Variants in ITFG1 observed in about 807,000 individuals in gnomAD.
ITFG1 encodes T-cell immunomodulatory protein.
Under a neutral mutation model 81.8 loss-of-function variants are expected in ITFG1, and 34 were observed. That is an observed-to-expected ratio of 0.42 (90% CI 0.32 to 0.55). ITFG1 has a LOEUF of 0.55. ITFG1 is among the 20% of genes least tolerant of loss of function. ITFG1 has a pLI of 0.17. For synonymous variants in ITFG1, 285 were observed against 270.6 expected, an observed-to-expected ratio of 1.05 and a Z score of -0.52; for missense variants, 672 against 755.4, an observed-to-expected ratio of 0.89 and a Z score of 1.29.
At chr16:47,364,859 G>C (rs531748906) in intron 8 of ITFG1, among the ~76,000 whole-genome samples, 1 of 152,292 alleles carries the variant, frequency 6.6e-6, no homozygotes, top group African/African-American at 2.4e-5. Context: ...CCAATGAATA[G>C]ACTCAAACTA....
intron 12 of ITFG1, among the ~76,000 whole-genome samples, chr16:47,254,527 C>T (rs2151540037): frequency 6.6e-6 from 1 of 152,262 alleles, no homozygotes; most frequent in African/African-American, 2.4e-5. Context: ...GCATGGAAAG[C>T]AGTGGAGTCG....
rs140413019 is a variant in ITFG1 at position 47,291,155 on chromosome 16, A to G, written c.1070+20085T>C. Among the ~76,000 whole-genome samples the G allele has an allele frequency of 5.7e-3, 868 of 152,040 alleles. 7 individuals are homozygous for G. Among genetic ancestry groups the G allele is most frequent in the African/African-American group, 0.02 (827 of 41,498 alleles). On this transcript the variant is annotated intron_variant, in intron 10 of 17. Coordinates refer to ENST00000320640, the MANE Select transcript of ITFG1 (RefSeq NM_030790.5). ...GAACTACAGCTTTGGTGGTTATAGT[A>G]TTCTTTGGTTTTTACAGTTACAGTA...
intron 13 of ITFG1, among the ~76,000 whole-genome samples, chr16:47,234,294 A>C (rs1320394976): frequency 6.6e-6 from 1 of 152,216 alleles, no homozygotes; most frequent in Non-Finnish European, 1.5e-5. Context: ...TAATGTAAGC[A>C]GAGAGATAGA....
chr16:47,177,599 TATAAG>T lies in ITFG1; in HGVS notation c.1454-14940_1454-14936del, dbSNP rs368960509. Among the ~76,000 whole-genome samples the T allele has an allele frequency of 1.5e-3, 228 of 152,364 alleles. 2 individuals carry two copies. The highest frequency in any genetic ancestry group is 5.3e-3 in the African/African-American group (219 of 41,578). On this transcript the variant is annotated intron_variant, in intron 14 of 17. Transcript: ENST00000320640. ...ATGCCGCATATACATATTGTAATTC[TATAAG>T]ATATCAATTAAAAAATATAAAGTGA...
intron 13 of ITFG1, among the ~76,000 whole-genome samples, chr16:47,228,671 G>A (rs1338517131): frequency 2.0e-5 from 3 of 152,138 alleles, no homozygotes; most frequent in Non-Finnish European, 2.9e-5. Flanking sequence ...CATCTGACCC[G>A]AAGATAAATG....
chr16:47,368,164 G>GCC (rs1968201413), intron 7 of ITFG1, among the ~76,000 whole-genome samples: 1 of 151,492 alleles, frequency 6.6e-6, no homozygotes, highest in Non-Finnish European at 1.5e-5. Flanking sequence ...AACCCAGGAG[G>GCC]CGGAGCTTGC....
intron 6 of ITFG1, among the ~76,000 whole-genome samples, chr16:47,396,943 C>T (rs1216668020): frequency 6.6e-6 from 1 of 152,036 alleles, no homozygotes; most frequent in Non-Finnish European, 1.5e-5. Context: ...ACACTGAAAT[C>T]ACCTAAAATG....
chr16:47,233,076 A>G (rs761897628), intron 13 of ITFG1, among the ~76,000 whole-genome samples: 30 of 152,234 alleles, frequency 2.0e-4, no homozygotes, highest in Non-Finnish European at 4.1e-4. Context: ...GGACAAAAAC[A>G]AACTTCAAAT....
At chr16:47,348,864 A>G (rs920585982) in intron 8 of ITFG1, among the ~76,000 whole-genome samples, 4 of 152,358 alleles carry the variant, frequency 2.6e-5, no homozygotes, top group Middle Eastern at 3.4e-3. Flanking sequence ...CGGATCTCTC[A>G]GCAGAAACTC....
At chr16:47,439,915 A>T (rs1203432433) in intron 5 of ITFG1, among the ~76,000 whole-genome samples, 4 of 152,364 alleles carry the variant, frequency 2.6e-5, no homozygotes, top group African/African-American at 4.8e-5. Context: ...TTCAAGACCC[A>T]TCAGTTTGCT....
intron 5 of ITFG1, among the ~76,000 whole-genome samples, chr16:47,439,030 T>A (rs1036913064): frequency 6.6e-6 from 1 of 151,854 alleles, no homozygotes; most frequent in Admixed American, 6.6e-5. Context: ...GAGAACTACG[T>A]GACGAATGCA....
chr16:47,223,592 T>G (rs528793929), intron 13 of ITFG1, among the ~76,000 whole-genome samples: 2 of 152,044 alleles, frequency 1.3e-5, no homozygotes, highest in African/African-American at 2.4e-5. Context: ...TGTGGAGAAA[T>G]AGGAACACTT....
chr16:47,382,922 A>G (rs998848041), intron 6 of ITFG1, among the ~76,000 whole-genome samples: 1 of 152,216 alleles, frequency 6.6e-6, no homozygotes, highest in African/African-American at 2.4e-5. Flanking sequence ...TTGAATTGTT[A>G]GGAGAAATGT....
chr16:47,442,100 A>T (rs1567501961), intron 5 of ITFG1, among the ~76,000 whole-genome samples: 1 of 152,232 alleles, frequency 6.6e-6, no homozygotes, highest in Non-Finnish European at 1.5e-5. Context: ...AGAGAATCAA[A>T]TACCTAGGAA....
intron 6 of ITFG1, among the ~76,000 whole-genome samples, chr16:47,391,513 A>G (rs1405684167): frequency 6.6e-6 from 1 of 152,190 alleles, no homozygotes; most frequent in African/African-American, 2.4e-5. Flanking sequence ...CCCTGGGCCT[A>G]ACAACTCTTG....
At chr16:47,283,189 T>G (rs1380651671) in intron 10 of ITFG1, among the ~76,000 whole-genome samples, 1 of 152,184 alleles carries the variant, frequency 6.6e-6, no homozygotes, top group African/African-American at 2.4e-5. Flanking sequence ...TTCCTAGGTT[T>G]TCTTCCAGGA....
chr16:47,211,185 G>C (rs73538974), intron 14 of ITFG1, among the ~76,000 whole-genome samples: 17,903 of 152,108 alleles, frequency 0.12, 2,279 homozygotes, highest in African/African-American at 0.32. Flanking sequence ...TTATTTAGAC[G>C]ACTGATTTCT....
intron 6 of ITFG1, among the ~76,000 whole-genome samples, chr16:47,394,008 T>C (rs1413680677): frequency 6.6e-6 from 1 of 152,212 alleles, no homozygotes; most frequent in African/African-American, 2.4e-5. Flanking sequence ...TGGATCTGTA[T>C]GCTGGAATTA....
intron 14 of ITFG1, 34 bp from the exon 15 acceptor site, chr16:47,162,698 A>G (rs1413501133): frequency 2.6e-6 from 4 of 1,554,562 alleles, no homozygotes; most frequent in African/African-American, 1.4e-5. Flanking sequence ...AATTAAAAAC[A>G]TCTCTGGAAA....
Sources: gnomAD v4.1 joint callset for allele counts (sites outside exome capture counted in the v4.1 genomes callset) on GRCh38, gnomAD v4.1.1 for gene constraint, MANE v1.5 for transcripts, NCBI Gene and HGNC (gene_info 2026-07-23, HGNC 2026-07-21) for gene names.